The following ITGBL1 variants were observed in gnomAD, a reference collection of about 807,000 sequenced individuals.
The protein encoded by ITGBL1 is integrin beta-like protein 1.
Under a neutral mutation model 68.5 loss-of-function variants are expected in ITGBL1, and 51 were observed. The observed-to-expected ratio is 0.74, with a 90% CI of 0.59 to 0.94. The LOEUF (loss-of-function observed/expected upper bound fraction) is 0.94. Among genes scored for constraint, ITGBL1 ranks in the 40% least tolerant of loss-of-function variants. The pLI, the probability that ITGBL1 is intolerant of heterozygous loss-of-function variation, is 0.00. For missense variants in ITGBL1, 649 were observed against 647.4 expected, an observed-to-expected ratio of 1.00 and a Z score of -0.03; for synonymous variants, 209 against 227.3, an observed-to-expected ratio of 0.92 and a Z score of 0.72.
At chr13:101,473,524 C>G (rs1204249095) in intron 2 of ITGBL1, among the ~76,000 whole-genome samples, 3 of 152,194 alleles carry the variant, frequency 2.0e-5, no homozygotes, top group South Asian at 4.1e-4. Context: ...GCTAGCACCA[C>G]CACTGTGGAC....
chr13:101,577,512 G>A (rs2050382691), intron 4 of ITGBL1, among the ~76,000 whole-genome samples: 1 of 152,054 alleles, frequency 6.6e-6, no homozygotes, highest in Non-Finnish European at 1.5e-5. Context: ...TAACTCAAAG[G>A]TTTCTTAGTA....
At chr13:101,453,731 C>T in intron 1 of ITGBL1, 152 bp from the exon 2 acceptor site, 1 of 407,146 alleles carries the variant, frequency 2.5e-6, no homozygotes. Flanking sequence ...CCAGGCAGCG[C>T]TTGGACCCCA....
rs866391481 is a variant in ITGBL1, at chr13:101,584,867, A to T, written c.868+1511A>T. Among the ~76,000 whole-genome samples, 10 of 151,914 alleles carry T rather than the reference A, an allele frequency of 6.6e-5. No individual in the cohort carries two copies. In the Middle Eastern group the frequency reaches 0.014, roughly 207 times the overall value. Reference sequence around the variant, plus strand: ...GATGTGGCTCTTCACAGTGGTGGTGATGTAGGGCTCATGAATTGCAGGAGG... The same window carrying T: ...GATGTGGCTCTTCACAGTGGTGGTGTTGTAGGGCTCATGAATTGCAGGAGG... On this transcript the variant is annotated intron_variant, in intron 6 of 10. Transcript: ENST00000376180.
chr13:101,627,306 G>A (rs2080043217), intron 7 of ITGBL1, among the ~76,000 whole-genome samples: 1 of 151,526 alleles, frequency 6.6e-6, no homozygotes. Flanking sequence ...ATTTTTTAGT[G>A]CACTTTTAAG....
intron 2 of ITGBL1, among the ~76,000 whole-genome samples, chr13:101,497,653 C>A (rs1461697022): frequency 6.6e-6 from 1 of 152,140 alleles, no homozygotes. Flanking sequence ...AGTTCCTGAG[C>A]AAAGGTGCTC....
chr13:101,687,789 A>G (rs895800697), intron 7 of ITGBL1, among the ~76,000 whole-genome samples: 4 of 152,062 alleles, frequency 2.6e-5, no homozygotes, highest in Non-Finnish European at 5.9e-5. Flanking sequence ...ATGTTGGCTG[A>G]ATTAATTTCT....
chr13:101,544,747 G>A (rs989872823), intron 2 of ITGBL1, among the ~76,000 whole-genome samples: 3 of 152,166 alleles, frequency 2.0e-5, no homozygotes, highest in Non-Finnish European at 4.4e-5. Context: ...TCAAGCCTCG[G>A]CAATGGCGGG....
chr13:101,463,770 AAC>A (rs1490594053), intron 2 of ITGBL1, among the ~76,000 whole-genome samples: 9 of 151,756 alleles, frequency 5.9e-5, no homozygotes, highest in African/African-American at 2.2e-4. Context: ...ACAATAAAAA[AAC>A]AAAATCAAAA....
At chr13:101,460,306 C>A (rs1414655798) in intron 2 of ITGBL1, among the ~76,000 whole-genome samples, 1 of 152,198 alleles carries the variant, frequency 6.6e-6, no homozygotes, top group South Asian at 2.1e-4. Context: ...AACAGACAGA[C>A]TGGCTTTCAC....
intron 2 of ITGBL1, among the ~76,000 whole-genome samples, chr13:101,498,914 A>G (rs1321586522): frequency 2.6e-5 from 4 of 152,182 alleles, no homozygotes; most frequent in Non-Finnish European, 4.4e-5. Context: ...CACGTCTTAC[A>G]TGGCAGTGGG....
At chr13:101,455,016 G>A (rs1254765334) in intron 2 of ITGBL1, among the ~76,000 whole-genome samples, 3 of 152,080 alleles carry the variant, frequency 2.0e-5, no homozygotes, top group African/African-American at 7.2e-5. Context: ...TACCTGTGTC[G>A]TTTTACTTAA....
intron 9 of ITGBL1, chr13:101,713,217 G>A (rs2034557954): frequency 6.6e-6 from 1 of 152,150 alleles, no homozygotes; most frequent in South Asian, 2.1e-4. Flanking sequence ...TGAGACACAT[G>A]AACCTGAATC....
intron 7 of ITGBL1, among the ~76,000 whole-genome samples, chr13:101,646,879 T>C (rs1034625198): frequency 1.7e-4 from 26 of 152,090 alleles, no homozygotes; most frequent in African/African-American, 5.1e-4. Context: ...AGAGGTTCAG[T>C]TGGAGAAAGA....
At chr13:101,505,963 C>T (rs2049020376) in intron 2 of ITGBL1, among the ~76,000 whole-genome samples, 1 of 152,168 alleles carries the variant, frequency 6.6e-6, no homozygotes, top group South Asian at 2.1e-4. Flanking sequence ...CATCTGAGCT[C>T]CCTTTTTTGG....
At chr13:101,616,262 A>G (rs1349007086) in intron 7 of ITGBL1, among the ~76,000 whole-genome samples, 2 of 152,164 alleles carry the variant, frequency 1.3e-5, no homozygotes, top group African/African-American at 4.8e-5. Context: ...GCACAGAAAG[A>G]TGAAAGGATA....
chr13:101,699,969 T>C (rs1159108316), intron 8 of ITGBL1, among the ~76,000 whole-genome samples: 1 of 152,230 alleles, frequency 6.6e-6, no homozygotes, highest in Admixed American at 6.5e-5. Context: ...CCTTCCTTAC[T>C]GAATGTTCTT....
chr13:101,519,874 T>C (rs1163304993), intron 2 of ITGBL1, among the ~76,000 whole-genome samples: 2 of 152,086 alleles, frequency 1.3e-5, no homozygotes, highest in African/African-American at 4.8e-5. Context: ...TAGAAGGAGG[T>C]CCCCATTTCT....
At position 101,708,066 on chromosome 13, in the gene ITGBL1, CACAT is replaced by C. The variant is rs1162394990; in HGVS notation, c.1279+1168_1279+1171del. On this transcript the variant is annotated intron_variant, in intron 9 of 10. Coordinates refer to ENST00000376180, the MANE Select transcript of ITGBL1 (RefSeq NM_004791.3). The stretch of plus-strand genomic sequence containing the variant: ...ACACACACACACACACACACACACA[CACAT>C]ACACACAAATTGGAAGAGGATTCCC... 2.4e-3 allele frequency among the ~76,000 whole-genome samples: 356 copies of C among 148,758 alleles called. 1 individual carries two copies. The highest frequency in any genetic ancestry group is 8.7e-3 in the African/African-American group (340 of 39,262).
At chr13:101,691,463 C>A (rs143266096) in intron 7 of ITGBL1, among the ~76,000 whole-genome samples, 1 of 152,122 alleles carries the variant, frequency 6.6e-6, no homozygotes, top group South Asian at 2.1e-4. Flanking sequence ...TAACAAGATA[C>A]AAGTTCAGCA....
Sources: gnomAD v4.1 joint callset for allele counts (sites outside exome capture counted in the v4.1 genomes callset) on GRCh38, gnomAD v4.1.1 for gene constraint, MANE v1.5 for transcripts, NCBI Gene and HGNC (gene_info 2026-07-23, HGNC 2026-07-21) for gene names.